The following KCNMB4 variants were observed in gnomAD, a reference collection of about 807,000 sequenced individuals.
The protein encoded by KCNMB4 is calcium-activated potassium channel subunit beta-4.
Under a neutral mutation model 20.7 loss-of-function variants are expected in KCNMB4, and 3 were observed. That is an observed-to-expected ratio of 0.14 (90% CI 0.07 to 0.37). The LOEUF is 0.37. KCNMB4 is among the 10% of genes least tolerant of loss of function. KCNMB4 has a pLI of 1.00. For missense variants in KCNMB4, 168 were observed against 265.9 expected (o/e 0.63, Z 2.56); for synonymous variants, 110 against 113.4 (o/e 0.97, Z 0.19).
chr12:70,424,521 A>G (rs1299916319), intron 2 of KCNMB4, among the ~76,000 whole-genome samples: 1 of 151,674 alleles, frequency 6.6e-6, no homozygotes, highest in Admixed American at 6.6e-5. Context: ...AGGCTGAGGC[A>G]AGGGGATCAG....
intron 2 of KCNMB4, among the ~76,000 whole-genome samples, chr12:70,412,634 A>C (rs567786617): frequency 6.6e-6 from 1 of 152,320 alleles, no homozygotes; most frequent in South Asian, 2.1e-4. Flanking sequence ...TTGGCTTCTA[A>C]GTTTTTCTTT....
Position 70,385,021 on chromosome 12 carries a change from G to GAT in KCNMB4, c.337-15180_337-15179dup, listed in dbSNP as rs1593327086. ...CCTTTACAAGCTGAGGACTATAGAT[G>GAT]ATATATATAATGTTCCAAGCAGATA... On this transcript the variant is annotated intron_variant, in intron 1 of 2. Coordinates refer to ENST00000258111, the MANE Select transcript of KCNMB4 (RefSeq NM_014505.6). Among the ~76,000 whole-genome samples, 8 of 151,924 alleles carry GAT rather than the reference G, an allele frequency of 5.3e-5. No homozygotes were observed. The East Asian group carries it at 1.6e-3, about 29-fold the overall frequency.
chr12:70,398,489 T>G (rs1868377810), intron 1 of KCNMB4, among the ~76,000 whole-genome samples: 1 of 152,186 alleles, frequency 6.6e-6, no homozygotes, highest in African/African-American at 2.4e-5. Flanking sequence ...TAGCTTCGTA[T>G]TATTGTTATT....
At chr12:70,423,095 G>T (rs1204625699) in intron 2 of KCNMB4, among the ~76,000 whole-genome samples, 1 of 152,150 alleles carries the variant, frequency 6.6e-6, no homozygotes, top group African/African-American at 2.4e-5. Flanking sequence ...CTAATCATGG[G>T]TCTAGTGCTA....
chr12:70,417,352 A>T (rs1341504992), intron 2 of KCNMB4, among the ~76,000 whole-genome samples: 1 of 152,180 alleles, frequency 6.6e-6, no homozygotes, highest in African/African-American at 2.4e-5. Context: ...TGTGACATGT[A>T]TAGGAGCAGC....
chr12:70,415,826 A>G (rs1219200055), intron 2 of KCNMB4, among the ~76,000 whole-genome samples: 1 of 152,214 alleles, frequency 6.6e-6, no homozygotes, highest in African/African-American at 2.4e-5. Flanking sequence ...AGCACATGCC[A>G]AGCATTATTC....
intron 2 of KCNMB4, among the ~76,000 whole-genome samples, chr12:70,415,501 A>T (rs1868891267): frequency 1.3e-5 from 2 of 152,218 alleles, no homozygotes; most frequent in South Asian, 4.1e-4. Flanking sequence ...GGATAACATA[A>T]GGGACTGTAT....
chr12:70,433,327 C>G lies in KCNMB4; in HGVS notation c.*2674C>G, dbSNP rs1307325984. 1.3e-5 allele frequency: 2 copies of G among 152,118 alleles called. No homozygotes were observed. The highest frequency in any genetic ancestry group is 4.8e-5 in the African/African-American group (2 of 41,428). 9.4% of individuals were successfully genotyped at this position (152,118 alleles called of 1,614,324 possible). A position where few individuals can be genotyped will look rare whatever the true frequency, so the allele number is the denominator to read the frequency against. ...TTCTCACATAGCAATCCAGAAGTGG[C>G]TTCATTTCACAAGGTATTCAAGGGA... On this transcript the variant is annotated 3_prime_UTR_variant, in exon 3 of 3. Coordinates refer to ENST00000258111, the MANE Select transcript of KCNMB4 (RefSeq NM_014505.6).
At chr12:70,413,546 G>A (rs1868839222) in intron 2 of KCNMB4, among the ~76,000 whole-genome samples, 1 of 152,090 alleles carries the variant, frequency 6.6e-6, no homozygotes, top group African/African-American at 2.4e-5. Context: ...TTATCAAAGA[G>A]CTCTTGCCTC....
chr12:70,414,525 A>C (rs1868865317), intron 2 of KCNMB4, among the ~76,000 whole-genome samples: 1 of 152,128 alleles, frequency 6.6e-6, no homozygotes. Flanking sequence ...TTGGGAACAG[A>C]TTTGTTCTCA....
chr12:70,421,795 A>T (rs1232367517), intron 2 of KCNMB4, among the ~76,000 whole-genome samples: 2 of 150,804 alleles, frequency 1.3e-5, no homozygotes, highest in Non-Finnish European at 2.9e-5. Flanking sequence ...GTTAGCCAGG[A>T]TGGTCTTGAC....
intron 2 of KCNMB4, chr12:70,422,756 G>A (rs913228203): frequency 3.4e-5 from 44 of 1,288,090 alleles, no homozygotes; most frequent in African/African-American, 1.5e-4. Flanking sequence ...AAGCATCTCC[G>A]GCAGGGGTTA....
At chr12:70,429,267 A>G (rs1468841780) in intron 2 of KCNMB4, among the ~76,000 whole-genome samples, 2 of 152,154 alleles carry the variant, frequency 1.3e-5, no homozygotes, top group East Asian at 3.9e-4. Flanking sequence ...ATTCTGCATT[A>G]TTTTCATTTT....
intron 2 of KCNMB4, among the ~76,000 whole-genome samples, chr12:70,421,482 A>G (rs935992790): frequency 1.3e-5 from 2 of 151,444 alleles, no homozygotes; most frequent in South Asian, 2.1e-4. Context: ...AAAAAAAAAA[A>G]AAAAAAAAAA....
chr12:70,393,704 C>T (rs1367475192), intron 1 of KCNMB4, among the ~76,000 whole-genome samples: 5 of 152,190 alleles, frequency 3.3e-5, no homozygotes, highest in East Asian at 1.9e-4. Flanking sequence ...TGCATTGGAG[C>T]GTGGGTGTAT....
chr12:70,384,873 CAAAAAAAAA>C (rs57306622), intron 1 of KCNMB4, among the ~76,000 whole-genome samples: 3 of 74,326 alleles, frequency 4.0e-5, no homozygotes, highest in African/African-American at 1.0e-4. Flanking sequence ...GACCCTGTCT[CAAAAAAAAA>C]AAAAAAAAAA....
intron 2 of KCNMB4, chr12:70,422,568 G>T (rs151281843): frequency 2.8e-5 from 14 of 502,862 alleles, no homozygotes; most frequent in Admixed American, 2.0e-4. Flanking sequence ...TCTTTCTGTT[G>T]TATTTTCAAT....
At chr12:70,384,873 CAAA>C (rs57306622) in intron 1 of KCNMB4, among the ~76,000 whole-genome samples, 53 of 74,304 alleles carry the variant, frequency 7.1e-4, no homozygotes, top group East Asian at 2.7e-3. Flanking sequence ...GACCCTGTCT[CAAA>C]AAAAAAAAAA....
chr12:70,387,108 T>G (rs948740456), intron 1 of KCNMB4, among the ~76,000 whole-genome samples: 10 of 151,318 alleles, frequency 6.6e-5, no homozygotes, highest in African/African-American at 9.7e-5. Flanking sequence ...TTTTTGTTGT[T>G]TTTTTTTTGA....
Sources: gnomAD v4.1 joint callset for allele counts (sites outside exome capture counted in the v4.1 genomes callset) on GRCh38, gnomAD v4.1.1 for gene constraint, MANE v1.5 for transcripts, NCBI Gene and HGNC (gene_info 2026-07-23, HGNC 2026-07-21) for gene names.